WDR1: variants seen among roughly 807,000 people sequenced by gnomAD.
WDR1 encodes WD repeat domain 1.
In WDR1, 21 loss-of-function variants were observed where a neutral mutation model predicts 71.9. That is an observed-to-expected ratio of 0.29 (90% CI 0.21 to 0.42). The LOEUF (loss-of-function observed/expected upper bound fraction) is 0.42. WDR1 is among the 10% of genes least tolerant of loss of function. The pLI is 1.00. For missense variants in WDR1, 696 were observed against 824.5 expected, an observed-to-expected ratio of 0.84 and a Z score of 1.91; for synonymous variants, 424 against 347.4, an observed-to-expected ratio of 1.22 and a Z score of -2.45.
chr4:10,078,034 C>T (rs772925927), intron 12 of WDR1, 108 bp from the exon 13 acceptor site: 38 of 1,306,740 alleles, frequency 2.9e-5, no homozygotes, highest in Non-Finnish European at 3.7e-5. Context: ...TTCCCACTGA[C>T]TGCTGCTCTG....
intron 2 of WDR1, among the ~76,000 whole-genome samples, chr4:10,105,600 A>T (rs1712967947): frequency 6.6e-6 from 1 of 152,228 alleles, no homozygotes; most frequent in South Asian, 2.1e-4. Flanking sequence ...AATCAATAAA[A>T]AGAAAAGACT....
At position 10,077,810 on chromosome 4, in the gene WDR1, G is replaced by T; in HGVS notation, c.1512C>A (p.Leu504=). The T allele has an allele frequency of 6.2e-7, 1 of 1,606,454 alleles. No homozygotes were observed. The part of the protein sequence containing the change: ...DVAYSHDGAF[L]AVCDASKVVT... ...CCACCTTGCTGGCGTCGCACACCGC[G>T]AGGAAGGCGCCGTCGTGGGAGTAGG... is the stretch of plus-strand genomic sequence containing the variant. Residue 504 remains leucine (L), a synonymous_variant, in exon 13 of 15, where the codon CTC becomes CTA. Coordinates refer to ENST00000499869, the MANE Select transcript of WDR1 (RefSeq NM_017491.5).
chr4:10,099,180 T>TGGGGGTGGGGGGGGG, intron 3 of WDR1, 41 bp from the exon 4 acceptor site: 1 of 173,730 alleles, frequency 5.8e-6, no homozygotes, highest in East Asian at 1.0e-4. Context: ...GAGGCGGTGG[T>TGGGGGTGGGGGGGGG]GGGGTAAAGG....
chr4:10,092,515 TGTGTCCCTCCC>T, intron 5 of WDR1: 4 of 155,622 alleles, frequency 2.6e-5, no homozygotes, highest in Admixed American at 1.9e-4. Context: ...GGTGGTGTCA[TGTGTCCCTCCC>T]TGGCCCCAGA....
chr4:10,115,738 G>A lies in WDR1; in HGVS notation c.138+375C>T, dbSNP rs184779478. The A allele has an allele frequency of 5.5e-4, 92 of 167,090 alleles. No individual in the cohort carries two copies. The South Asian group carries it at 7.4e-3, about 13-fold the overall frequency. 10.4% of individuals were successfully genotyped at this position (167,090 alleles called of 1,614,324 possible). On this transcript the variant is annotated intron_variant, in intron 2 of 14. Coordinates refer to ENST00000499869, the MANE Select transcript of WDR1 (RefSeq NM_017491.5). ...CTCAAGGTCACGCAGCGGCCGACCG[G>A]GTCAGTCTGATCCCTCAAATCCGGA...
At chr4:10,109,349 G>A (rs911012936) in intron 2 of WDR1, among the ~76,000 whole-genome samples, 6 of 152,236 alleles carry the variant, frequency 3.9e-5, no homozygotes, top group Admixed American at 6.5e-5. Context: ...CCCAGGTCAC[G>A]TCACTGCAAA....
At chr4:10,080,996 C>T (rs1344758600) in intron 11 of WDR1, among the ~76,000 whole-genome samples, 2 of 152,180 alleles carry the variant, frequency 1.3e-5, no homozygotes, top group African/African-American at 4.8e-5. Context: ...AGCTACAATG[C>T]AGCAGGGCTG....
chr4:10,099,165 GGGGGGAGGCGGT>G, intron 3 of WDR1, 26 bp from the exon 4 acceptor site: 1 of 1,309,220 alleles, frequency 7.6e-7, no homozygotes, highest in African/African-American at 1.4e-5. Flanking sequence ...GGCGGGGGAG[GGGGGGAGGCGGT>G]GGTGGGGTAA....
Position 10,077,288 on chromosome 4 carries a change from T to G in WDR1, c.1714+16A>C, listed in dbSNP as rs779461190. On this transcript the variant is annotated intron_variant, in intron 14 of 14. Transcript: ENST00000499869. ...ACCATGGGTGGTCCCTGCCAAGGCC[T>G]GGGGGCGGAAGTCACCTTGGATCTT... 6.2e-7 allele frequency: 1 copy of G among 1,613,626 alleles called. No homozygotes were observed. Among genetic ancestry groups the G allele is most frequent in the African/African-American group, 1.3e-5 (1 of 75,058 alleles).
chr4:10,106,732 G>T (rs979675014), intron 2 of WDR1, among the ~76,000 whole-genome samples: 1 of 152,188 alleles, frequency 6.6e-6, no homozygotes, highest in East Asian at 1.9e-4. Flanking sequence ...ACTCACTCTC[G>T]TTTGTATTCT....
chr4:10,099,637 T>C (rs926220810), intron 3 of WDR1, among the ~76,000 whole-genome samples: 1 of 152,254 alleles, frequency 6.6e-6, no homozygotes, highest in Non-Finnish European at 1.5e-5. Context: ...GGTGCACAGC[T>C]GTGAGGGTGC....
intron 2 of WDR1, among the ~76,000 whole-genome samples, chr4:10,107,995 C>A (rs746998660): frequency 5.9e-5 from 9 of 152,230 alleles, no homozygotes; most frequent in Non-Finnish European, 1.2e-4. Flanking sequence ...ACTGAGGCAT[C>A]CTGCCCAGGA....
intron 4 of WDR1, 118 bp from the exon 5 acceptor site, chr4:10,098,009 A>G: frequency 9.2e-7 from 1 of 1,083,518 alleles, no homozygotes; most frequent in Non-Finnish European, 1.3e-6. Context: ...GACTGTCAGC[A>G]GGCAGCTCAG....
intron 9 of WDR1, 94 bp from the exon 10 acceptor site, chr4:10,083,272 T>C: frequency 1.4e-6 from 2 of 1,442,550 alleles, no homozygotes; most frequent in Non-Finnish European, 1.9e-6. Context: ...ACATCAAGAA[T>C]GAGAATCTCG....
rs111968442 is a variant in WDR1 at position 10,085,070 on chromosome 4, A to AAC, written c.952-542_952-541dup. ...CCGTGAACGCTGACGCTCCTACCCT[A>AAC]ACCTCCCTGACTGCTGCAGTGGAGG... On this transcript the variant is annotated intron_variant, in intron 8 of 14. Transcript: ENST00000499869. 7.9e-5 allele frequency among the ~76,000 whole-genome samples: 12 copies of AAC among 152,288 alleles called. 1 individual carries two copies. The highest frequency in any genetic ancestry group is 2.9e-4 in the African/African-American group (12 of 41,572).
At chr4:10,090,792 C>T (rs1187410514) in intron 5 of WDR1, among the ~76,000 whole-genome samples, 1 of 152,256 alleles carries the variant, frequency 6.6e-6, no homozygotes, top group African/African-American at 2.4e-5. Flanking sequence ...TCCCAGTGCT[C>T]CTCGGGAGCT....
chr4:10,094,396 C>T (rs11727087), intron 5 of WDR1, among the ~76,000 whole-genome samples: 52,145 of 152,014 alleles, frequency 0.34, 9,655 homozygotes, highest in Non-Finnish European at 0.42. Flanking sequence ...ATGCGCATGG[C>T]GAAGGCAGAC....
chr4:10,077,301 C>A lies in WDR1; in HGVS notation c.1714+3G>T. 6.2e-7 allele frequency: 1 copy of A among 1,613,860 alleles called. No individual in the cohort carries two copies. The highest frequency in any genetic ancestry group is 8.5e-7 in the Non-Finnish European group (1 of 1,179,844). On this transcript the variant is annotated splice_donor_region_variant and intron_variant, in intron 14 of 14. Coordinates refer to ENST00000499869, the MANE Select transcript of WDR1 (RefSeq NM_017491.5). ...CCTGCCAAGGCCTGGGGGCGGAAGT[C>A]ACCTTGGATCTTGACTCTGGTTTCC...
intron 5 of WDR1, among the ~76,000 whole-genome samples, chr4:10,094,126 A>T (rs1712178854): frequency 6.6e-6 from 1 of 152,156 alleles, no homozygotes; most frequent in Non-Finnish European, 1.5e-5. Context: ...TCCACCTACA[A>T]TCACAGCTTG....
Sources: allele counts gnomAD v4.1 joint callset (sites outside exome capture counted in the v4.1 genomes callset), GRCh38; gene constraint gnomAD v4.1.1; transcripts MANE v1.5; gene names NCBI Gene and HGNC (gene_info 2026-07-23, HGNC 2026-07-21).